CDKL3: variants seen among roughly 807,000 people sequenced by gnomAD.
CDKL3 encodes cyclin-dependent kinase-like 3.
A neutral mutation model predicts 69.3 loss-of-function variants in CDKL3; 65 were observed. The observed-to-expected ratio is 0.94, with a 90% CI of 0.77 to 1.15. The LOEUF (loss-of-function observed/expected upper bound fraction) is 1.15, where lower values mean the gene tolerates loss of function less well. CDKL3 is among the 50% of genes most tolerant of loss of function. CDKL3 has a pLI of 0.00. For synonymous variants in CDKL3, 202 were observed against 221.6 expected (o/e 0.91, Z 0.79); for missense variants, 652 against 689.2 (o/e 0.95, Z 0.61).
At chr5:134,369,286 G>C (rs572313017), upstream of CDKL3, among the ~76,000 whole-genome samples, 3 of 152,270 alleles carry the variant, frequency 2.0e-5, no homozygotes, top group Admixed American at 2.0e-4. Context: ...ATAATAAACT[G>C]TTTCCAAAAC....
chr5:134,326,829 A>ACGTGTG (rs1774398903), intron 4 of CDKL3, among the ~76,000 whole-genome samples: 1 of 86,304 alleles, frequency 1.2e-5, no homozygotes, highest in African/African-American at 5.6e-5. Flanking sequence ...ATATATATAT[A>ACGTGTG]TATATATATA....
chr5:134,299,745 T>C, intron 12 of CDKL3: 2 of 1,530,986 alleles, frequency 1.3e-6, no homozygotes, highest in Non-Finnish European at 1.7e-6. Context: ...GTGCATTTCC[T>C]GTATTCTAAA....
At chr5:134,363,338 G>A (rs1285612644) in intron 2 of CDKL3, among the ~76,000 whole-genome samples, 2 of 152,122 alleles carry the variant, frequency 1.3e-5, no homozygotes, top group Non-Finnish European at 2.9e-5. Flanking sequence ...CTGCTGCCCA[G>A]GCTGGAGTGC....
intron 4 of CDKL3, among the ~76,000 whole-genome samples, chr5:134,328,928 G>C (rs1404314422): frequency 6.6e-6 from 1 of 152,176 alleles, no homozygotes; most frequent in African/African-American, 2.4e-5. Flanking sequence ...GAAGGTGAAA[G>C]TTAAGACTTT....
At chr5:134,295,484 A>C (rs1765308279), downstream of CDKL3, among the ~76,000 whole-genome samples, 1 of 152,224 alleles carries the variant, frequency 6.6e-6, no homozygotes, top group Non-Finnish European at 1.5e-5. Context: ...CAGCAGATTT[A>C]TACCTGTTGA....
intron 2 of CDKL3, 136 bp downstream of exon 2, chr5:134,366,223 T>C: frequency 6.5e-6 from 4 of 612,252 alleles, no homozygotes; most frequent in Non-Finnish European, 2.7e-6. Context: ...AATTACAAAA[T>C]GTAGATAAGA....
chr5:134,303,678 C>CT (rs1273380261), intron 11 of CDKL3, among the ~76,000 whole-genome samples: 1 of 149,082 alleles, frequency 6.7e-6, no homozygotes, highest in African/African-American at 2.5e-5. Flanking sequence ...ACCCCCCCCC[C>CT]GTCTCTACTA....
chr5:134,363,457 CTTTTTTT>C (rs869177235), intron 2 of CDKL3, among the ~76,000 whole-genome samples: 1 of 105,474 alleles, frequency 9.5e-6, no homozygotes, highest in Non-Finnish European at 1.9e-5. Context: ...CCATGGCCGG[CTTTTTTT>C]TTTTTTTTTT....
intron 4 of CDKL3, among the ~76,000 whole-genome samples, chr5:134,349,317 C>T (rs888650395): frequency 3.3e-5 from 5 of 152,138 alleles, no homozygotes; most frequent in Non-Finnish European, 5.9e-5. Flanking sequence ...ACTTTTATCT[C>T]TTTATGCTCA....
At chr5:134,355,885 C>T (rs901187387) in intron 3 of CDKL3, among the ~76,000 whole-genome samples, 4 of 152,178 alleles carry the variant, frequency 2.6e-5, no homozygotes, top group South Asian at 2.1e-4. Context: ...ATCTAGTCCC[C>T]GCTTCCATCA....
At position 134,312,383 on chromosome 5, in the gene CDKL3, AG is replaced by A. The variant is rs759100040; in HGVS notation, c.793-4del. The A allele has an allele frequency of 6.4e-7, 1 of 1,561,234 alleles. No homozygotes were observed. Among genetic ancestry groups the A allele is most frequent in the East Asian group, 2.3e-5 (1 of 43,750 alleles). On this transcript the variant is annotated splice_region_variant and splice_polypyrimidine_tract_variant and intron_variant, in intron 6 of 12. Coordinates refer to ENST00000265334, the MANE Select transcript of CDKL3 (RefSeq NM_001113575.2). ...GCAGGATCAATTTGTAAACAAGCCT[AG>A]GAAAGGAAAAAGATTTTAATAAGTG...
chr5:134,355,276 T>C (rs1194829746), intron 3 of CDKL3, among the ~76,000 whole-genome samples: 1 of 147,038 alleles, frequency 6.8e-6, no homozygotes, highest in East Asian at 2.0e-4. Flanking sequence ...TTCTTTACCA[T>C]CACAGAACTC....
chr5:134,337,048 C>T (rs1442822776), intron 4 of CDKL3, among the ~76,000 whole-genome samples: 1 of 152,182 alleles, frequency 6.6e-6, no homozygotes, highest in Non-Finnish European at 1.5e-5. Context: ...ACTCAAGCCT[C>T]AGAAATGGCG....
intron 6 of CDKL3, among the ~76,000 whole-genome samples, chr5:134,314,325 TAAATTTAAATATATGCCCTACTTTGGA>T: frequency 6.6e-6 from 1 of 152,204 alleles, no homozygotes; most frequent in Non-Finnish European, 1.5e-5. Flanking sequence ...TATAATTCAG[TAAATTTAAATATATGCCCTACTTTGGA>T]AAATGTAAAA....
At position 134,350,428 on chromosome 5, in the gene CDKL3, C is replaced by A. The variant is rs1466767848; in HGVS notation, c.361-1G>T. On this transcript the variant is annotated splice_acceptor_variant, in intron 3 of 12. Coordinates refer to ENST00000265334, the MANE Select transcript of CDKL3 (RefSeq NM_001113575.2). LOFTEE classifies it high-confidence loss of function. ...CAGGTTTTATATCTCGATGAATGAT[C>A]TAAAAAACAAACAGAATACAAAATA... The A allele has an allele frequency of 1.3e-6, 2 of 1,521,748 alleles. No individual in the cohort carries two copies. The highest frequency in any genetic ancestry group is 1.8e-6 in the Non-Finnish European group (2 of 1,122,588). 94.3% of individuals were successfully genotyped at this position (1,521,748 alleles called of 1,614,324 possible).
chr5:134,322,946 T>C lies in CDKL3; in HGVS notation c.540-1043A>G, dbSNP rs1773174292. Among the ~76,000 whole-genome samples the C allele has an allele frequency of 2.0e-5, 3 of 150,518 alleles. 1 individual carries two copies. The highest frequency in any genetic ancestry group is 6.9e-3 in the Middle Eastern group (2 of 290). Reference sequence around the variant, plus strand: ...GTGAGCCGAGATCATGCCATTGCACTCTAGCCTGGGCAACAAGAGCAAAAC... The same window carrying C: ...GTGAGCCGAGATCATGCCATTGCACCCTAGCCTGGGCAACAAGAGCAAAAC... On this transcript the variant is annotated intron_variant, in intron 4 of 12. Transcript: ENST00000265334.
At chr5:134,321,110 G>C (rs1043434113) in intron 5 of CDKL3, among the ~76,000 whole-genome samples, 1 of 146,148 alleles carries the variant, frequency 6.8e-6, no homozygotes, top group Non-Finnish European at 1.5e-5. Context: ...CTGGGTTCAA[G>C]CAGTTCTCAT....
At chr5:134,292,379 TAAAA>T in intron 8 of CDKL3, among the ~76,000 whole-genome samples, 1 of 151,836 alleles carries the variant, frequency 6.6e-6, no homozygotes, top group South Asian at 2.1e-4. Context: ...ATGGATCAAA[TAAAA>T]AATAAAAAAG....
At chr5:134,371,492 C>CGGCGGT (rs1758401486), upstream of CDKL3, 4 of 1,374,516 alleles carry the variant, frequency 2.9e-6, no homozygotes, top group South Asian at 3.9e-5. Context: ...GCGGCGGCGG[C>CGGCGGT]GGCGGCGGCG....
Sources: allele counts gnomAD v4.1 joint callset (sites outside exome capture counted in the v4.1 genomes callset), GRCh38; gene constraint gnomAD v4.1.1; transcripts MANE v1.5; gene names NCBI Gene and HGNC (gene_info 2026-07-23, HGNC 2026-07-21).